The following LRRC4C variants were observed in gnomAD, a reference collection of about 807,000 sequenced individuals.
LRRC4C encodes leucine rich repeat containing 4C.
Under a neutral mutation model 33.6 loss-of-function variants are expected in LRRC4C, and 5 were observed. That is an observed-to-expected ratio of 0.15 (90% CI 0.08 to 0.31). The LOEUF is 0.31. LRRC4C is among the 10% of genes least tolerant of loss of function. The pLI is 1.00. For missense variants in LRRC4C, 560 were observed against 796.7 expected (o/e 0.70, Z 3.58); for synonymous variants, 329 against 302.0 (o/e 1.09, Z -0.93).
At chr11:40,604,070 T>A (rs1356195242) in intron 3 of LRRC4C, among the ~76,000 whole-genome samples, 2 of 151,962 alleles carry the variant, frequency 1.3e-5, no homozygotes, top group African/African-American at 4.8e-5. Context: ...TACAAACACA[T>A]ACAGATAGAA....
At chr11:40,736,150 C>T (rs746732521) in intron 2 of LRRC4C, among the ~76,000 whole-genome samples, 1 of 152,028 alleles carries the variant, frequency 6.6e-6, no homozygotes, top group Non-Finnish European at 1.5e-5. Flanking sequence ...TCTCCTAATG[C>T]TATATCTCTC....
chr11:40,817,031 G>C (rs111229422), intron 2 of LRRC4C, among the ~76,000 whole-genome samples: 9,210 of 152,118 alleles, frequency 0.061, 422 homozygotes, highest in African/African-American at 0.12. Flanking sequence ...ACAATAGTTA[G>C]CTTAATCTGA....
chr11:40,398,067 G>A (rs1949611649), intron 3 of LRRC4C, among the ~76,000 whole-genome samples: 1 of 151,968 alleles, frequency 6.6e-6, no homozygotes, highest in Non-Finnish European at 1.5e-5. Context: ...CTTACAAAAA[G>A]GTGGCAATTT....
intron 1 of LRRC4C, among the ~76,000 whole-genome samples, chr11:41,327,710 T>C (rs565950105): frequency 1.3e-5 from 2 of 152,218 alleles, no homozygotes; most frequent in South Asian, 2.1e-4. Context: ...TGGGAGGTAA[T>C]TGAATCATGG....
chr11:40,478,227 A>C (rs1953347917), intron 3 of LRRC4C, among the ~76,000 whole-genome samples: 1 of 152,192 alleles, frequency 6.6e-6, no homozygotes, highest in Admixed American at 6.5e-5. Flanking sequence ...CCTATTATCT[A>C]TGTTTTTAAT....
At chr11:41,163,615 G>GTTT (rs111894064) in intron 1 of LRRC4C, among the ~76,000 whole-genome samples, 146 of 143,218 alleles carry the variant, frequency 1.0e-3, no homozygotes, top group Non-Finnish European at 1.1e-3. Flanking sequence ...TTTAAAAACT[G>GTTT]TTTTTTTTTT....
At chr11:40,166,971 A>G (rs896026088) in intron 5 of LRRC4C, among the ~76,000 whole-genome samples, 1 of 152,154 alleles carries the variant, frequency 6.6e-6, no homozygotes, top group Non-Finnish European at 1.5e-5. Context: ...GCCTGTGTCT[A>G]AATTATGACT....
At chr11:40,980,867 T>C (rs1379343166) in intron 1 of LRRC4C, among the ~76,000 whole-genome samples, 3 of 152,214 alleles carry the variant, frequency 2.0e-5, no homozygotes, top group African/African-American at 7.2e-5. Flanking sequence ...GCAAACGTTA[T>C]TAGCATGTAG....
chr11:40,962,631 G>A (rs1394716142), intron 1 of LRRC4C, among the ~76,000 whole-genome samples: 1 of 151,628 alleles, frequency 6.6e-6, no homozygotes, highest in Non-Finnish European at 1.5e-5. Context: ...AGACATGCTA[G>A]CCAAACTAGA....
intron 1 of LRRC4C, among the ~76,000 whole-genome samples, chr11:41,428,615 T>C (rs566987349): frequency 6.6e-6 from 1 of 152,198 alleles, no homozygotes; most frequent in African/African-American, 2.4e-5. Context: ...TGCTTGTAGG[T>C]ATTGTTGGTA....
At chr11:41,015,613 C>G (rs906823704) in intron 1 of LRRC4C, among the ~76,000 whole-genome samples, 1 of 152,118 alleles carries the variant, frequency 6.6e-6, no homozygotes, top group African/African-American at 2.4e-5. Flanking sequence ...TGAGCCGGGC[C>G]TGATAATCTG....
chr11:40,933,459 T>G (rs557336446), intron 2 of LRRC4C, among the ~76,000 whole-genome samples, 176 bp downstream of exon 2: 4 of 152,370 alleles, frequency 2.6e-5, no homozygotes, highest in Non-Finnish European at 5.9e-5. Flanking sequence ...TACTTTTGTT[T>G]AAAGCTATTA....
chr11:41,412,059 G>A (rs1308387207), intron 1 of LRRC4C, among the ~76,000 whole-genome samples: 4 of 152,194 alleles, frequency 2.6e-5, no homozygotes, highest in African/African-American at 4.8e-5. Context: ...TAATGGATAC[G>A]TGTGGCATGA....
rs188645240 is a variant in LRRC4C at position 41,308,956 on chromosome 11, C to T, written c.-496+150475G>A. Reference sequence around the variant, plus strand: ...AGTAGCTGGCGTTACAGGCATGCGTCAACACGCCCGGCTAATTTTGTATTT... The same window carrying T: ...AGTAGCTGGCGTTACAGGCATGCGTTAACACGCCCGGCTAATTTTGTATTT... On this transcript the variant is annotated intron_variant, in intron 1 of 6. Coordinates refer to ENST00000528697, the MANE Select transcript of LRRC4C (RefSeq NM_001258419.2). 3.5e-4 allele frequency among the ~76,000 whole-genome samples: 54 copies of T among 152,278 alleles called. 1 individual carries two copies. In the East Asian group the frequency reaches 9.9e-3, roughly 28 times the overall value.
At chr11:41,412,764 C>A (rs978052557) in intron 1 of LRRC4C, among the ~76,000 whole-genome samples, 20 of 152,016 alleles carry the variant, frequency 1.3e-4, no homozygotes, top group African/African-American at 4.3e-4. Flanking sequence ...CATGATGATA[C>A]AAAATACAGC....
intron 3 of LRRC4C, among the ~76,000 whole-genome samples, chr11:40,388,156 C>G (rs1354455528): frequency 1.3e-5 from 2 of 152,088 alleles, no homozygotes; most frequent in African/African-American, 4.8e-5. Context: ...GAAAGAGAGG[C>G]TGTTTTTCCC....
At chr11:40,403,997 C>T (rs1949864613) in intron 3 of LRRC4C, among the ~76,000 whole-genome samples, 8 of 152,166 alleles carry the variant, frequency 5.3e-5, no homozygotes, top group Admixed American at 5.2e-4. Context: ...ATGGCTCCCT[C>T]CTGCACTGTC....
chr11:40,819,943 G>A (rs1951862023), intron 2 of LRRC4C, among the ~76,000 whole-genome samples: 1 of 151,740 alleles, frequency 6.6e-6, no homozygotes, highest in Admixed American at 6.6e-5. Context: ...ACATACCAGA[G>A]GGAAGACAAA....
At chr11:40,653,276 G>T (rs762696868) in intron 2 of LRRC4C, among the ~76,000 whole-genome samples, 31 of 152,210 alleles carry the variant, frequency 2.0e-4, no homozygotes, top group Non-Finnish European at 4.1e-4. Context: ...AGACAGAAAA[G>T]TGTGGGAAAG....
Sources: gnomAD v4.1 joint callset for allele counts (sites outside exome capture counted in the v4.1 genomes callset) on GRCh38, gnomAD v4.1.1 for gene constraint, MANE v1.5 for transcripts, NCBI Gene and HGNC (gene_info 2026-07-23, HGNC 2026-07-21) for gene names.